MPHOSPH9: variants seen among roughly 807,000 people sequenced by gnomAD.
MPHOSPH9 encodes M-phase phosphoprotein 9.
A neutral mutation model predicts 145.5 loss-of-function variants in MPHOSPH9; 88 were observed. The ratio of observed to expected loss-of-function variants is 0.60; its 90% confidence interval spans 0.51 to 0.72. The LOEUF (loss-of-function observed/expected upper bound fraction) is 0.72. Among genes scored for constraint, MPHOSPH9 ranks in the 30% least tolerant of loss-of-function variants. The probability of loss-of-function intolerance (pLI) is 0.00; values close to 1 mark genes in which losing one functional copy is unlikely to be tolerated. For missense variants in MPHOSPH9, 1,238 were observed against 1,386.6 expected (o/e 0.89, Z 1.70); for synonymous variants, 435 against 486.2 (o/e 0.89, Z 1.39).
intron 3 of MPHOSPH9, among the ~76,000 whole-genome samples, chr12:123,226,029 C>G (rs565293683): frequency 1.3e-5 from 2 of 152,314 alleles, no homozygotes; most frequent in South Asian, 4.1e-4. Flanking sequence ...GAGCAAGACT[C>G]TGTCTCAAAA....
intron 16 of MPHOSPH9, among the ~76,000 whole-genome samples, chr12:123,174,396 G>A (rs968736325): frequency 3.5e-5 from 5 of 140,862 alleles, no homozygotes; most frequent in Non-Finnish European, 6.2e-5. Flanking sequence ...TTTTTGAGAC[G>A]GAGTCTTGCT....
intron 16 of MPHOSPH9, among the ~76,000 whole-genome samples, chr12:123,172,069 C>A (rs2044607423): frequency 1.3e-5 from 2 of 152,048 alleles, no homozygotes; most frequent in Non-Finnish European, 2.9e-5. Flanking sequence ...TAAATAGTAT[C>A]CTATTTCTTC....
At chr12:123,202,378 C>G (rs2046260410) in intron 10 of MPHOSPH9, 59 bp from the exon 11 acceptor site, 5 of 1,475,180 alleles carry the variant, frequency 3.4e-6, no homozygotes, top group Non-Finnish European at 4.5e-6. Flanking sequence ...CTCCATCCCA[C>G]AAGAGAAACC....
intron 13 of MPHOSPH9, among the ~76,000 whole-genome samples, chr12:123,185,916 G>T (rs1031615803): frequency 7.2e-5 from 11 of 152,022 alleles, no homozygotes; most frequent in African/African-American, 2.7e-4. Flanking sequence ...TCCTGAGGAT[G>T]AAAAGTACAT....
Position 123,154,332 on chromosome 12 carries a change from C to T in MPHOSPH9, c.*2475G>A, listed in dbSNP as rs2043821904. On this transcript the variant is annotated 3_prime_UTR_variant, in exon 24 of 24. Coordinates refer to ENST00000606320, the MANE Select transcript of MPHOSPH9 (RefSeq NM_022782.4). ...CTATTTAGAATTGCCATCTTTCCTG[C>T]TTTTAGGTGGAGTGTTTTTTCAGTT... The T allele has an allele frequency of 6.6e-6, 1 of 151,614 alleles. No individual in the cohort carries two copies. 9.4% of individuals were successfully genotyped at this position (151,614 alleles called of 1,614,324 possible). A position where few individuals can be genotyped will look rare whatever the true frequency, so the allele number is the denominator to read the frequency against.
At chr12:123,183,681 C>T (rs191724037) in intron 13 of MPHOSPH9, among the ~76,000 whole-genome samples, 1 of 151,890 alleles carries the variant, frequency 6.6e-6, no homozygotes, top group Non-Finnish European at 1.5e-5. Flanking sequence ...GTGAGAGATG[C>T]CCACCTTGAA....
Position 123,227,501 on chromosome 12 carries a change from T to G in MPHOSPH9, c.220A>C (p.Ser74Arg). ...LTSLMQELQN[S>R]GKTDSELWKN... The stretch of plus-strand genomic sequence containing the variant: ...CAAAGTTCCGAATCAGTCTTTCCAC[T>G]GTTTTGTAGCTCTTGCATTAAAGAA... Residue 74 changes from serine to arginine, a missense_variant, in exon 3 of 24, where the codon AGT becomes CGT. By Grantham distance (110) the Ser-to-Arg change is moderately radical. Transcript: ENST00000606320. The G allele has an allele frequency of 1.3e-6, 2 of 1,521,984 alleles. No homozygotes were observed. Among genetic ancestry groups the G allele is most frequent in the South Asian group, 2.5e-5 (2 of 81,606 alleles). The allele number at this position is 1,521,984 out of a possible 1,614,324, so 94.3% of individuals were successfully genotyped here. A position where few individuals can be genotyped will look rare whatever the true frequency, so the allele number is the denominator to read the frequency against.
At chr12:123,170,411 G>A (rs988153485) in intron 16 of MPHOSPH9, among the ~76,000 whole-genome samples, 3 of 152,084 alleles carry the variant, frequency 2.0e-5, no homozygotes, top group African/African-American at 4.8e-5. Context: ...CCAAAGTGCT[G>A]GGATTATAGG....
At chr12:123,235,060 C>G (rs893442305), upstream of MPHOSPH9, among the ~76,000 whole-genome samples, 1 of 152,204 alleles carries the variant, frequency 6.6e-6, no homozygotes, top group Non-Finnish European at 1.5e-5. Context: ...AGTTCCCAGA[C>G]TGGGTTTGTG....
chr12:123,225,697 G>A (rs2047413830), intron 3 of MPHOSPH9, among the ~76,000 whole-genome samples: 1 of 152,010 alleles, frequency 6.6e-6, no homozygotes, highest in Non-Finnish European at 1.5e-5. Flanking sequence ...AAAATACATT[G>A]TGGCAATGCC....
At chr12:123,185,255 TAAC>T (rs1166667408) in intron 13 of MPHOSPH9, among the ~76,000 whole-genome samples, 2 of 149,374 alleles carry the variant, frequency 1.3e-5, no homozygotes, top group African/African-American at 2.5e-5. Context: ...CTCAAAGAAA[TAAC>T]AACATTAGAT....
At chr12:123,209,165 T>G (rs2046582888) in intron 8 of MPHOSPH9, among the ~76,000 whole-genome samples, 1 of 152,036 alleles carries the variant, frequency 6.6e-6, no homozygotes, top group Admixed American at 6.6e-5. Context: ...ACTCCCAACC[T>G]CAGGTGATCT....
chr12:123,161,546 T>C (rs938655662), intron 21 of MPHOSPH9, among the ~76,000 whole-genome samples, 163 bp from the exon 22 acceptor site: 5 of 152,110 alleles, frequency 3.3e-5, no homozygotes, highest in African/African-American at 1.2e-4. Context: ...TACTCAGTGC[T>C]TTTTTCTCCA....
rs1374815626 is a variant in MPHOSPH9 at position 123,154,409 on chromosome 12, T to C, written c.*2398A>G. 1 of 152,154 alleles carries C rather than the reference T, an allele frequency of 6.6e-6. No homozygotes were observed. Among genetic ancestry groups the C allele is most frequent in the Non-Finnish European group, 1.5e-5 (1 of 68,026 alleles). The allele number at this position is 152,154 out of a possible 1,614,324, so 9.4% of individuals were successfully genotyped here. A position where few individuals can be genotyped will look rare whatever the true frequency, so the allele number is the denominator to read the frequency against. On this transcript the variant is annotated 3_prime_UTR_variant, in exon 24 of 24. Coordinates refer to ENST00000606320, the MANE Select transcript of MPHOSPH9 (RefSeq NM_022782.4). ...AAGAGAAAGACAGCAGAAAGAACTTTCCTTGGTATCCCTCTTCACAGCTAT... is the reference window on the plus strand; with the variant it reads ...AAGAGAAAGACAGCAGAAAGAACTTCCCTTGGTATCCCTCTTCACAGCTAT...
rs1401561732 is a variant in MPHOSPH9, at chr12:123,164,038, C to G, written c.2820G>C (p.Lys940Asn). 6.2e-7 allele frequency: 1 copy of G among 1,614,144 alleles called. No individual in the cohort carries two copies. The highest frequency in any genetic ancestry group is 1.7e-5 in the Admixed American group (1 of 60,012). The change falls in exon 19 of 24, where the codon AAG becomes AAC. Residue 940 changes from lysine (K) to asparagine (N), a missense_variant. Lys to Asn is a moderately conservative substitution (Grantham distance 94). Around this residue, in one of 3 missense-constraint regions of MPHOSPH9, gnomAD observed 393 missense variants for 462.5 expected, o/e 0.85. Transcript: ENST00000606320. ...TSVNASRSPE[K>N]CAQQRQKRLN... is the part of the protein sequence containing the mutation. The stretch of plus-strand genomic sequence containing the variant: ...GTCTCTTTTGTCTCTGTTGGGCACA[C>G]TTTTCTGGAGAACGACTTGCATTAA...
intron 23 of MPHOSPH9, 58 bp from the exon 24 acceptor site, chr12:123,156,966 C>A: frequency 1.5e-6 from 2 of 1,293,258 alleles, no homozygotes; most frequent in African/African-American, 1.5e-5. Flanking sequence ...TCTATAATCA[C>A]CACCAAACTG....
chr12:123,202,661 A>G lies in MPHOSPH9; in HGVS notation c.1744T>C (p.Ser582Pro), dbSNP rs1199553709. Residue 582 changes from serine to proline, a missense_variant, in exon 10 of 24, where the codon TCA (serine) becomes CCA (proline). Ser to Pro is a moderately conservative substitution (Grantham distance 74, BLOSUM62 -1). Around this residue, in one of 3 missense-constraint regions of MPHOSPH9, gnomAD observed 837 missense variants for 897.5 expected, o/e 0.93. Coordinates refer to ENST00000606320, the MANE Select transcript of MPHOSPH9 (RefSeq NM_022782.4). Reference sequence around the variant, plus strand: ...ACAGGATCTTCCAAGGAAGTCAATGAAATGCATTCTGGGACACTGTTGGCT... The same window carrying G: ...ACAGGATCTTCCAAGGAAGTCAATGGAATGCATTCTGGGACACTGTTGGCT... Reference protein sequence around the residue: ...GTANSVPECISLTSLEDPVIL... With the variant: ...GTANSVPECIPLTSLEDPVIL... The G allele has an allele frequency of 6.2e-7, 1 of 1,614,198 alleles. No homozygotes were observed. Among genetic ancestry groups the G allele is most frequent in the Admixed American group, 1.7e-5 (1 of 60,006 alleles).
chr12:123,218,032 G>A (rs1289231985), intron 6 of MPHOSPH9, among the ~76,000 whole-genome samples: 2 of 145,546 alleles, frequency 1.4e-5, no homozygotes, highest in Non-Finnish European at 1.5e-5. Flanking sequence ...GTGACAGAGC[G>A]AGACTCCATC....
chr12:123,219,552 CAAAAAAAAAAA>C lies in MPHOSPH9; in HGVS notation c.873-1064_873-1054del, dbSNP rs778997410. Reference sequence around the variant, plus strand: ...TGGGCAACAGAGCGAGACTCTGTCTCAAAAAAAAAAAAAAAAAAAAGACTAACAGTGACTAA... The same window carrying C: ...TGGGCAACAGAGCGAGACTCTGTCTCAAAAAAAAAGACTAACAGTGACTAA... On this transcript the variant is annotated intron_variant, in intron 5 of 23. Transcript: ENST00000606320. Among the ~76,000 whole-genome samples the C allele has an allele frequency of 1.7e-3, 85 of 49,960 alleles. 2 individuals carry two copies. The highest frequency in any genetic ancestry group is 8.4e-5 in the Non-Finnish European group (2 of 23,744). The allele number at this position is 49,960 out of a possible 152,430, so 32.8% of individuals were successfully genotyped here. A position where few individuals can be genotyped will look rare whatever the true frequency, so the allele number is the denominator to read the frequency against.
Sources: allele counts gnomAD v4.1 joint callset (sites outside exome capture counted in the v4.1 genomes callset), GRCh38; gene constraint gnomAD v4.1.1; regional missense constraint gnomAD v4.1.1; transcripts MANE v1.5; gene names NCBI Gene and HGNC (gene_info 2026-07-23, HGNC 2026-07-21).